Variants in CD99L2 observed in about 807,000 individuals in gnomAD.
The protein encoded by CD99L2 is CD99 molecule like 2.
CD99L2 carries 24 observed loss-of-function variants against 27.3 expected under a neutral mutation model. The ratio of observed to expected loss-of-function variants is 0.88; its 90% CI spans 0.64 to 1.24. The LOEUF is 1.24. Among genes scored for constraint, CD99L2 ranks in the 50% most tolerant of loss-of-function variants. The pLI is 0.00. For synonymous variants in CD99L2, 97 were observed against 87.9 expected, an observed-to-expected ratio of 1.10 and a Z score of -0.58; for missense variants, 255 against 221.6, an observed-to-expected ratio of 1.15 and a Z score of -0.96.
At chrX:150,898,243 C>T (rs188910767) in intron 1 of CD99L2, among the ~76,000 whole-genome samples, 692 of 112,237 alleles carry the variant, frequency 6.2e-3, no homozygotes, top group Admixed American at 8.7e-3. Context: ...CAGTGGTACA[C>T]CTGCTCGTTC....
chrX:150,883,655 C>T (rs1290409692), intron 1 of CD99L2, among the ~76,000 whole-genome samples: 1 of 111,182 alleles, frequency 9.0e-6, no homozygotes, highest in Non-Finnish European at 1.9e-5. Flanking sequence ...CCCTAGACTT[C>T]AAAGATTCCC....
At chrX:150,846,452 G>C (rs2046705232) in intron 1 of CD99L2, among the ~76,000 whole-genome samples, 1 of 111,082 alleles carries the variant, frequency 9.0e-6, no homozygotes, top group Admixed American at 9.6e-5. Flanking sequence ...CTATACCTCA[G>C]TTTCCTCATC....
intron 4 of CD99L2, among the ~76,000 whole-genome samples, chrX:150,802,209 T>A (rs1384513559): frequency 1.8e-5 from 2 of 111,881 alleles, no homozygotes; most frequent in Non-Finnish European, 3.8e-5. Flanking sequence ...TCAACAATAT[T>A]GATCACATAT....
rs1216280392 is a variant in CD99L2, at chrX:150,773,529, G to A, written c.655+2645C>T. The stretch of plus-strand genomic sequence containing the variant: ...ATGGATGTGAAAACTGTGGACTGTC[G>A]CATCTCACCATTAGGCTGACGATGC... On this transcript the variant is annotated intron_variant, in intron 9 of 10. Transcript: ENST00000370377. 2.7e-5 allele frequency among the ~76,000 whole-genome samples: 3 copies of A among 112,620 alleles called. No individual in the cohort carries two copies. In the East Asian group the frequency reaches 8.3e-4, roughly 31 times the overall value.
chrX:150,833,705 T>C (rs1161013319), intron 1 of CD99L2, among the ~76,000 whole-genome samples: 1 of 112,145 alleles, frequency 8.9e-6, no homozygotes, highest in Non-Finnish European at 1.9e-5. Context: ...GTAAATGATG[T>C]AGAGAAACTG....
intron 1 of CD99L2, among the ~76,000 whole-genome samples, chrX:150,843,144 C>T (rs1432934886): frequency 8.9e-6 from 1 of 112,085 alleles, no homozygotes; most frequent in African/African-American, 3.2e-5. Context: ...CCAAAGATTT[C>T]AGACGCAAAG....
At chrX:150,852,990 A>G (rs782677428) in intron 1 of CD99L2, among the ~76,000 whole-genome samples, 1 of 111,769 alleles carries the variant, frequency 8.9e-6, no homozygotes, top group East Asian at 2.8e-4. Flanking sequence ...ACAGTAAAAT[A>G]CAATAAGCAA....
At position 150,793,749 on chromosome X, in the gene CD99L2, T is replaced by C. The variant is rs782637207; in HGVS notation, c.438A>G (p.Ser146=). The change falls in exon 7 of 11, where the codon TCA becomes TCG. Residue 146 remains serine, a synonymous_variant. Transcript: ENST00000370377. The part of the protein sequence containing the change: ...RKPIAGGGGF[S]DKDLEDIVGG... ...CTACTATGTCTTCAAGATCCTTGTC[T>C]GAAAAACCTGGAGAAAATAAAACAT... 1 of 1,186,551 alleles carries C rather than the reference T, an allele frequency of 8.4e-7. No homozygotes were observed. The highest frequency in any genetic ancestry group is 1.9e-5 in the South Asian group (1 of 52,878).
intron 9 of CD99L2, among the ~76,000 whole-genome samples, chrX:150,775,555 A>G (rs782142915): frequency 8.9e-6 from 1 of 112,525 alleles, no homozygotes; most frequent in South Asian, 3.7e-4. Context: ...AAACCTAGTA[A>G]AGGGTGGTGG....
Position 150,814,888 on chromosome X carries a change from C to A in CD99L2, c.251G>T (p.Arg84Leu), listed in dbSNP as rs371141614. 7 of 1,208,526 alleles carry A rather than the reference C, an allele frequency of 5.8e-6. No homozygotes were observed. The African/African-American group carries it at 1.1e-4, about 18-fold the overall frequency. Residue 84 changes from arginine (R) to leucine (L), a missense_variant, in exon 4 of 11, where the codon CGC becomes CTC. Coordinates refer to ENST00000370377, the MANE Select transcript of CD99L2 (RefSeq NM_031462.4). ...TCTTCCTCCTATACCCGGTTTCCTG[C>A]GGCCATCATCTTGATCATCCAAAGC... ...ADALDDQDDG[R>L]RKPGIGGRER... is the part of the protein sequence containing the mutation.
chrX:150,814,970 C>T (rs1205495168), intron 3 of CD99L2, 34 bp from the exon 4 acceptor site: 1 of 1,201,792 alleles, frequency 8.3e-7, no homozygotes, highest in African/African-American at 1.8e-5. Context: ...AGGAAACAGC[C>T]AACTGATTAA....
At chrX:150,800,742 A>G (rs1206481829) in intron 4 of CD99L2, among the ~76,000 whole-genome samples, 2 of 111,495 alleles carry the variant, frequency 1.8e-5, no homozygotes, top group African/African-American at 3.3e-5. Flanking sequence ...CCACAATAAT[A>G]AAAAACTCAG....
rs1359568705 is a variant in CD99L2, at chrX:150,767,442, A to C, written c.*1592T>G. ...AGGGATTAAAGGGCCGAGCAGGAAA[A>C]GGGGTGGTAAGGAGCTCAAGGGCAC... On this transcript the variant is annotated 3_prime_UTR_variant, in exon 11 of 11. Coordinates refer to ENST00000370377, the MANE Select transcript of CD99L2 (RefSeq NM_031462.4). 8.9e-6 allele frequency: 1 copy of C among 112,077 alleles called. No individual in the cohort carries two copies. The highest frequency in any genetic ancestry group is 1.9e-5 in the Non-Finnish European group (1 of 53,241). The allele number at this position is 112,077 out of a possible 1,213,427, so 9.2% of individuals were successfully genotyped here.
intron 2 of CD99L2, among the ~76,000 whole-genome samples, chrX:150,821,014 T>C (rs1557420651): frequency 1.8e-5 from 2 of 112,017 alleles, no homozygotes; most frequent in African/African-American, 6.5e-5. Context: ...TGTTAAAAAA[T>C]TAAAGACCTA....
intron 4 of CD99L2, among the ~76,000 whole-genome samples, chrX:150,798,111 AAGGG>A (rs1187124147): frequency 1.6e-5 from 1 of 63,576 alleles, no homozygotes; most frequent in South Asian, 1.4e-3. Flanking sequence ...AGAACACAGG[AAGGG>A]AGGGAGGGAG....
Position 150,768,843 on chromosome X carries a change from A to C in CD99L2, c.*191T>G, listed in dbSNP as rs1022467033. ...AGCTGGCTCTTGAATTTCGGCACCA[A>C]GTCTCAGCACGCTTGGGGCAGGGCA... On this transcript the variant is annotated 3_prime_UTR_variant, in exon 11 of 11. Transcript: ENST00000370377. The C allele has an allele frequency of 1.1e-6, 1 of 948,221 alleles. No individual in the cohort carries two copies. The highest frequency in any genetic ancestry group is 1.3e-6 in the Non-Finnish European group (1 of 754,740). The allele number at this position is 948,221 out of a possible 1,213,427, so 78.1% of individuals were successfully genotyped here.
At chrX:150,859,901 T>C (rs1557421854) in intron 1 of CD99L2, among the ~76,000 whole-genome samples, 1 of 110,464 alleles carries the variant, frequency 9.1e-6, no homozygotes, top group Non-Finnish European at 1.9e-5. Flanking sequence ...AAAAGACATA[T>C]AAAAAAGAAC....
chrX:150,849,609 G>A (rs782263155), intron 1 of CD99L2, among the ~76,000 whole-genome samples: 1 of 111,537 alleles, frequency 9.0e-6, no homozygotes, highest in South Asian at 3.8e-4. Context: ...TTGAGCCCAG[G>A]AGGTTGAGGC....
rs782270754 is a variant in CD99L2, at chrX:150,795,113, T to C, written c.430+93A>G. 64 of 1,026,928 alleles carry C rather than the reference T, an allele frequency of 6.2e-5. No homozygotes were observed. The South Asian group carries it at 1.2e-3, about 19-fold the overall frequency. The allele number at this position is 1,026,928 out of a possible 1,213,427, so 84.6% of individuals were successfully genotyped here. On this transcript the variant is annotated intron_variant, in intron 6 of 10. Transcript: ENST00000370377. The stretch of plus-strand genomic sequence containing the variant: ...CACCATTATAGGGTTCTCCAGTGGC[T>C]TGAAGTGCCTCCAGCTCTGCCAGGC...
Sources: gnomAD v4.1 joint callset for allele counts (sites outside exome capture counted in the v4.1 genomes callset) on GRCh38, gnomAD v4.1.1 for gene constraint, MANE v1.5 for transcripts, NCBI Gene and HGNC (gene_info 2026-07-23, HGNC 2026-07-21) for gene names.